The following PITPNC1 variants were observed in gnomAD, a reference collection of about 807,000 sequenced individuals.
The protein encoded by PITPNC1 is cytoplasmic phosphatidylinositol transfer protein 1.
In PITPNC1, 18 loss-of-function variants were observed where a neutral mutation model predicts 44.7. The ratio of observed to expected loss-of-function variants is 0.40; its 90% CI spans 0.28 to 0.60. The LOEUF is 0.60. Ranked by LOEUF, PITPNC1 falls within the 20% of genes least tolerant of loss-of-function variation. PITPNC1 has a pLI of 0.39. For missense variants in PITPNC1, 290 were observed against 418.4 expected, an observed-to-expected ratio of 0.69 and a Z score of 2.68; for synonymous variants, 141 against 149.6, an observed-to-expected ratio of 0.94 and a Z score of 0.42.
chr17:67,666,450 C>T (rs986917195), intron 6 of PITPNC1, among the ~76,000 whole-genome samples: 3 of 152,158 alleles, frequency 2.0e-5, no homozygotes, highest in African/African-American at 4.8e-5. Flanking sequence ...CTTCTTAAGG[C>T]TCACGAGAGA....
chr17:67,543,729 T>G (rs1412617585), intron 2 of PITPNC1, among the ~76,000 whole-genome samples: 2 of 152,212 alleles, frequency 1.3e-5, no homozygotes, highest in African/African-American at 4.8e-5. Flanking sequence ...GGTTGCTTCA[T>G]CTTCTGGCCC....
chr17:67,504,151 A>G (rs566984391), intron 1 of PITPNC1, among the ~76,000 whole-genome samples: 19 of 152,204 alleles, frequency 1.2e-4, no homozygotes, highest in African/African-American at 4.1e-4. Flanking sequence ...AAAGCACCCT[A>G]TTTTGGGGTA....
At chr17:67,385,928 G>A (rs1039016745) in intron 1 of PITPNC1, among the ~76,000 whole-genome samples, 3 of 152,172 alleles carry the variant, frequency 2.0e-5, no homozygotes, top group African/African-American at 7.2e-5. Context: ...AGTACCTGGC[G>A]CAGGAGATAG....
At chr17:67,627,777 T>G (rs2041913354) in intron 5 of PITPNC1, among the ~76,000 whole-genome samples, 1 of 152,158 alleles carries the variant, frequency 6.6e-6, no homozygotes, top group Non-Finnish European at 1.5e-5. Flanking sequence ...CCATGTGACT[T>G]TGAGCAAGCC....
At chr17:67,678,635 G>A (rs1379089238) in intron 8 of PITPNC1, among the ~76,000 whole-genome samples, 5 of 152,228 alleles carry the variant, frequency 3.3e-5, no homozygotes, top group South Asian at 2.1e-4. Flanking sequence ...TCATCACACA[G>A]ATGCAGACAC....
At chr17:67,570,230 A>T (rs552760035) in intron 4 of PITPNC1, among the ~76,000 whole-genome samples, 1 of 152,338 alleles carries the variant, frequency 6.6e-6, no homozygotes, top group South Asian at 2.1e-4. Context: ...TGTTCCCTGC[A>T]TGAAGTCAGC....
Position 67,495,749 on chromosome 17 carries a change from G to C in PITPNC1, c.49-37053G>C, listed in dbSNP as rs968824696. On this transcript the variant is annotated intron_variant, in intron 1 of 8. Coordinates refer to ENST00000581322, the MANE Select transcript of PITPNC1 (RefSeq NM_012417.4). ...TTTGTGGCTGTATAGTATTCCATGAGCTGTGGAGATGTTGAGGTTCTTTGT... is the reference window on the plus strand; with the variant it reads ...TTTGTGGCTGTATAGTATTCCATGACCTGTGGAGATGTTGAGGTTCTTTGT... 2.6e-5 allele frequency among the ~76,000 whole-genome samples: 4 copies of C among 152,330 alleles called. No homozygotes were observed. In the East Asian group the frequency reaches 7.7e-4, roughly 29 times the overall value.
At chr17:67,655,810 G>A (rs1327664588) in intron 6 of PITPNC1, among the ~76,000 whole-genome samples, 3 of 152,008 alleles carry the variant, frequency 2.0e-5, no homozygotes, top group Admixed American at 1.3e-4. Context: ...GGGCATGGTG[G>A]TGCATGCCTG....
intron 1 of PITPNC1, among the ~76,000 whole-genome samples, chr17:67,470,961 G>C (rs1188895939): frequency 8.0e-6 from 1 of 125,432 alleles, no homozygotes; most frequent in Admixed American, 8.4e-5. Flanking sequence ...AATGGATTAA[G>C]GGCGGTGCAA....
At chr17:67,544,569 G>A (rs1165829667) in intron 2 of PITPNC1, among the ~76,000 whole-genome samples, 2 of 152,212 alleles carry the variant, frequency 1.3e-5, no homozygotes, top group Non-Finnish European at 2.9e-5. Flanking sequence ...CGGTGATTCC[G>A]CCTAATGCCT....
At chr17:67,643,408 C>G (rs1372691163) in intron 6 of PITPNC1, among the ~76,000 whole-genome samples, 1 of 151,976 alleles carries the variant, frequency 6.6e-6, no homozygotes, top group Non-Finnish European at 1.5e-5. Context: ...AAGAAAGAAC[C>G]CTTGGGGAAA....
intron 1 of PITPNC1, among the ~76,000 whole-genome samples, chr17:67,429,325 T>C (rs2038821299): frequency 6.6e-6 from 1 of 152,222 alleles, no homozygotes; most frequent in Non-Finnish European, 1.5e-5. Context: ...GTCTTGTATT[T>C]CATGGGTCAG....
At chr17:67,413,853 C>A (rs1055770877) in intron 1 of PITPNC1, among the ~76,000 whole-genome samples, 1 of 152,070 alleles carries the variant, frequency 6.6e-6, no homozygotes, top group African/African-American at 2.4e-5. Context: ...AAAATGTCAT[C>A]CAAGAACTCA....
chr17:67,424,620 G>C (rs1356397217), intron 1 of PITPNC1, among the ~76,000 whole-genome samples: 1 of 152,062 alleles, frequency 6.6e-6, no homozygotes, highest in East Asian at 1.9e-4. Flanking sequence ...TCGCACTACT[G>C]TGCTCCTGCT....
chr17:67,508,282 C>T lies in PITPNC1; in HGVS notation c.49-24520C>T, dbSNP rs1057457502. Among the ~76,000 whole-genome samples the T allele has an allele frequency of 6.6e-6, 1 of 152,202 alleles. No homozygotes were observed. The highest frequency in any genetic ancestry group is 1.5e-5 in the Non-Finnish European group (1 of 68,034). On this transcript the variant is annotated intron_variant, in intron 1 of 8. Coordinates refer to ENST00000581322, the MANE Select transcript of PITPNC1 (RefSeq NM_012417.4). The surrounding 1 kb of genome is among the most constrained non-coding windows in gnomAD (Gnocchi z 4.2). Reference sequence around the variant, plus strand: ...GTAGAGAATAAAAGAATGGCTACTCCATAAACAGAGCAGCCTGGAGGGCTG... The same window carrying T: ...GTAGAGAATAAAAGAATGGCTACTCTATAAACAGAGCAGCCTGGAGGGCTG...
intron 4 of PITPNC1, among the ~76,000 whole-genome samples, chr17:67,570,511 C>T (rs1441853070): frequency 1.3e-5 from 2 of 152,204 alleles, no homozygotes; most frequent in Non-Finnish European, 2.9e-5. Context: ...CTGCCTTTGA[C>T]CCCAGCTCAG....
intron 1 of PITPNC1, among the ~76,000 whole-genome samples, chr17:67,449,748 G>A (rs976180743): frequency 2.0e-5 from 3 of 152,170 alleles, no homozygotes; most frequent in Admixed American, 6.5e-5. Context: ...AGTCAAATAC[G>A]AAAGCTAATT....
At chr17:67,519,226 G>A (rs139079434) in intron 1 of PITPNC1, among the ~76,000 whole-genome samples, 4,403 of 145,226 alleles carry the variant, frequency 0.03, 97 homozygotes, top group Non-Finnish European at 0.05. Flanking sequence ...TCCCAGGCTG[G>A]AGTGCAGTGG....
intron 8 of PITPNC1, among the ~76,000 whole-genome samples, chr17:67,686,020 G>A (rs963466497): frequency 6.6e-6 from 1 of 151,496 alleles, no homozygotes; most frequent in Non-Finnish European, 1.5e-5. Flanking sequence ...TAGTAGAGAC[G>A]GTGTTTCACC....
Sources: allele counts gnomAD v4.1 joint callset (sites outside exome capture counted in the v4.1 genomes callset), GRCh38; gene constraint gnomAD v4.1.1; non-coding constraint Gnocchi (gnomAD v3.1); transcripts MANE v1.5; gene names NCBI Gene and HGNC (gene_info 2026-07-23, HGNC 2026-07-21).